The following CFAP73 variants were observed in gnomAD, a reference collection of about 807,000 sequenced individuals.
CFAP73 encodes cilia and flagella associated protein 73.
In CFAP73, 33 loss-of-function variants were observed where a neutral mutation model predicts 42.9. That is an observed-to-expected ratio of 0.77 (90% CI 0.58 to 1.03). The LOEUF is 1.03. Ranked by LOEUF, CFAP73 falls within the 50% of genes least tolerant of loss-of-function variation. The pLI is 0.00. For missense variants in CFAP73, 392 were observed against 411.9 expected, an observed-to-expected ratio of 0.95 and a Z score of 0.42; for synonymous variants, 162 against 186.8, an observed-to-expected ratio of 0.87 and a Z score of 1.08.
In CFAP73 at chr12:113,154,338, C is replaced by CCT; in HGVS notation, c.469-76_469-75insCT. 6.8e-7 allele frequency: 1 copy of CCT among 1,470,302 alleles called. No individual in the cohort carries two copies. Among genetic ancestry groups the CCT allele is most frequent in the South Asian group, 1.2e-5 (1 of 81,662 alleles). The allele number at this position is 1,470,302 out of a possible 1,614,324, so 91.1% of individuals were successfully genotyped here. A position where few individuals can be genotyped will look rare whatever the true frequency, so the allele number is the denominator to read the frequency against. The stretch of plus-strand genomic sequence containing the variant: ...GAAAGATTATTCCAATAATAAGGAA[C>CCT]GCTGGCGGCCAGGTGGGATGGAGAG... On this transcript the variant is annotated intron_variant, in intron 4 of 7. Transcript: ENST00000335621. This position sits in a 1 kb window ranked among gnomAD's most constrained non-coding sequence, Gnocchi z 4.7.
chr12:113,153,488 A>T, intron 4 of CFAP73, 80 bp downstream of exon 4: 1 of 1,167,084 alleles, frequency 8.6e-7, no homozygotes, highest in Non-Finnish European at 1.1e-6. Flanking sequence ...GGACCGGCGA[A>T]CTACTGGTTC....
intron 6 of CFAP73, among the ~76,000 whole-genome samples, chr12:113,155,929 CTTTT>C (rs200795985): frequency 2.9e-5 from 4 of 136,436 alleles, no homozygotes; most frequent in East Asian, 2.1e-4. Flanking sequence ...GTGCCATAGG[CTTTT>C]TTTTTTTTTT....
chr12:113,154,538 T>C lies in CFAP73; in HGVS notation c.593T>C (p.Leu198Pro). The C allele has an allele frequency of 6.7e-7, 1 of 1,490,256 alleles. No homozygotes were observed. The highest frequency in any genetic ancestry group is 8.9e-7 in the Non-Finnish European group (1 of 1,128,024). 92.3% of individuals were successfully genotyped at this position (1,490,256 alleles called of 1,614,324 possible). Residue 198 changes from leucine to proline, a missense_variant, in exon 5 of 8, where the codon CTG (leucine) becomes CCG (proline). Transcript: ENST00000335621. The surrounding 1 kb of genome is among the most constrained non-coding windows in gnomAD (Gnocchi z 4.7). The stretch of plus-strand genomic sequence containing the variant: ...GCGGCGCGAGCGCGGCTGCAGCAGC[T>C]GCGGGACGCCTGGCCGGACGAGGTG... ...LEAARARLQQ[L>P]RDAWPDEVLA...
In CFAP73 at chr12:113,155,260, G is replaced by A. The variant is rs1479543520; in HGVS notation, c.691G>A (p.Glu231Lys). 6.5e-7 allele frequency: 1 copy of A among 1,527,790 alleles called. No individual in the cohort carries two copies. Among genetic ancestry groups the A allele is most frequent in the Non-Finnish European group, 8.9e-7 (1 of 1,128,340 alleles). 94.6% of individuals were successfully genotyped at this position (1,527,790 alleles called of 1,614,324 possible). A position where few individuals can be genotyped will look rare whatever the true frequency, so the allele number is the denominator to read the frequency against. ...TGGGAGTGGGGCGGGTGTTCTCCAG[G>A]AATCCAAGTGGATTCAGATTCAGAA... ...EAARERTLQW[E>K]SKWIQIQNTA... The change falls in exon 6 of 8, where the codon GAA (glutamate) becomes AAA (lysine). Residue 231 changes from glutamate to lysine, a missense_variant and splice_region_variant. Physicochemically the swap from Glu to Lys is moderately conservative, Grantham distance 56. Coordinates refer to ENST00000335621, the MANE Select transcript of CFAP73 (RefSeq NM_001144872.3).
chr12:113,155,697 CA>C (rs1952116156), intron 6 of CFAP73, among the ~76,000 whole-genome samples: 1 of 152,156 alleles, frequency 6.6e-6, no homozygotes. Context: ...TGGCTGGTCT[CA>C]ATGCCCTCCC....
Position 113,154,686 on chromosome 12 carries a change from C to T in CFAP73, c.690+51C>T. 1.5e-6 allele frequency: 2 copies of T among 1,377,304 alleles called. No homozygotes were observed. The highest frequency in any genetic ancestry group is 1.5e-5 in the African/African-American group (1 of 65,190). The allele number at this position is 1,377,304 out of a possible 1,614,324, so 85.3% of individuals were successfully genotyped here. A position where few individuals can be genotyped will look rare whatever the true frequency, so the allele number is the denominator to read the frequency against. ...GCTCCGGACCCCAGGCTTCCACAGC[C>T]GGGCGGGGAGGAACGCCAGGGCTGA... On this transcript the variant is annotated intron_variant, in intron 5 of 7. Transcript: ENST00000335621. The surrounding 1 kb of genome is among the most constrained non-coding windows in gnomAD (Gnocchi z 4.7).
chr12:113,149,918 G>C lies in CFAP73; in HGVS notation c.56+5G>C. On this transcript the variant is annotated splice_donor_5th_base_variant and intron_variant, in intron 1 of 7. Transcript: ENST00000335621. ...TTTGCAAGAGAAACTGTCTACGTGA[G>C]TGGGACGTAGAGGGAGGGAGGGCTA... The C allele has an allele frequency of 6.4e-7, 1 of 1,551,272 alleles. No individual in the cohort carries two copies. Among genetic ancestry groups the C allele is most frequent in the East Asian group, 2.4e-5 (1 of 40,924 alleles).
intron 4 of CFAP73, among the ~76,000 whole-genome samples, chr12:113,153,971 A>G (rs1952091091): frequency 6.6e-6 from 1 of 151,748 alleles, no homozygotes; most frequent in African/African-American, 2.4e-5. Context: ...CATTTTACAG[A>G]TAGGAGAACT....
chr12:113,155,086 C>T (rs1212918054), intron 5 of CFAP73, among the ~76,000 whole-genome samples, 174 bp from the exon 6 acceptor site: 2 of 152,126 alleles, frequency 1.3e-5, no homozygotes, highest in Non-Finnish European at 2.9e-5. Context: ...AGGAGAATCG[C>T]TAGGCTCTGG....
intron 2 of CFAP73, 70 bp downstream of exon 2, chr12:113,152,093 A>T: frequency 3.5e-6 from 4 of 1,127,970 alleles, no homozygotes; most frequent in Middle Eastern, 1.9e-4. Context: ...TTTATTAGTG[A>T]CAAGGTCTGA....
rs768645747 is a variant in CFAP73 at position 113,158,965 on chromosome 12, C to T, written c.*276C>T. The stretch of plus-strand genomic sequence containing the variant: ...CAGCTCCTGGACGCGGCGGCGGTTG[C>T]GGGCAGAGAGCTGCTTGAGGCCACC... On this transcript the variant is annotated 3_prime_UTR_variant, in exon 8 of 8. Transcript: ENST00000335621. The surrounding 1 kb of genome is among the most constrained non-coding windows in gnomAD (Gnocchi z 4.9). 7 of 1,611,122 alleles carry T rather than the reference C, an allele frequency of 4.3e-6. No homozygotes were observed. The highest frequency in any genetic ancestry group is 5.9e-6 in the Non-Finnish European group (7 of 1,178,970).
At chr12:113,155,981 G>A (rs1952120197) in intron 6 of CFAP73, among the ~76,000 whole-genome samples, 1 of 150,506 alleles carries the variant, frequency 6.6e-6, no homozygotes, top group Non-Finnish European at 1.5e-5. Flanking sequence ...AGGCTGGAGT[G>A]CAGTGACACG....
chr12:113,150,785 G>A lies in CFAP73; in HGVS notation c.56+872G>A, dbSNP rs770586721. Among the ~76,000 whole-genome samples, 73 of 152,024 alleles carry A rather than the reference G, an allele frequency of 4.8e-4. 1 individual carries two copies. Among genetic ancestry groups the A allele is most frequent in the Non-Finnish European group, 6.5e-4 (44 of 68,014 alleles). On this transcript the variant is annotated intron_variant, in intron 1 of 7. Coordinates refer to ENST00000335621, the MANE Select transcript of CFAP73 (RefSeq NM_001144872.3). ...AAGTCTCCACTCACCATGGCCCACC[G>A]CAGTTGGATTCTCAGCTCCTCCCTG...
chr12:113,152,913 G>A (rs1337866761), intron 3 of CFAP73, 26 bp downstream of exon 3: 1 of 1,499,054 alleles, frequency 6.7e-7, no homozygotes, highest in Admixed American at 2.0e-5. Context: ...TGGGGGGGAG[G>A]CGGGGCCTAT....
At chr12:113,156,218 C>T (rs887197480) in intron 6 of CFAP73, among the ~76,000 whole-genome samples, 1 of 152,022 alleles carries the variant, frequency 6.6e-6, no homozygotes, top group Non-Finnish European at 1.5e-5. Flanking sequence ...CCACACCCAG[C>T]GTGACATAGG....
intron 1 of CFAP73, 115 bp downstream of exon 1, chr12:113,150,028 T>A: frequency 7.4e-6 from 7 of 947,614 alleles, no homozygotes; most frequent in African/African-American, 1.6e-5. Flanking sequence ...TAGTGGGGGT[T>A]ATTGTCCCCA....
intron 6 of CFAP73, among the ~76,000 whole-genome samples, chr12:113,156,157 T>C (rs1248215991): frequency 6.6e-6 from 1 of 151,962 alleles, no homozygotes; most frequent in African/African-American, 2.4e-5. Flanking sequence ...CAACCTCAAG[T>C]TATCCTCCCG....
At position 113,155,403 on chromosome 12, in the gene CFAP73, G is replaced by GGTCC. The variant is rs1193869604; in HGVS notation, c.835_836insTCCG (p.Gly279ValfsTer25). 13 of 1,550,308 alleles carry GGTCC rather than the reference G, an allele frequency of 8.4e-6. No homozygotes were observed. The East Asian group carries it at 2.7e-4, about 32-fold the overall frequency. On this transcript the variant is annotated frameshift_variant, in exon 6 of 8. Coordinates refer to ENST00000335621, the MANE Select transcript of CFAP73 (RefSeq NM_001144872.3). LOFTEE classifies it high-confidence loss of function. ...CCACCCTGGACATCGAGGACACGGAGGGACAGCTAGAGCACGTGAGGACCC... is the reference window on the plus strand; with the variant it reads ...CCACCCTGGACATCGAGGACACGGAGGTCCGGACAGCTAGAGCACGTGAGGACCC...
Position 113,155,322 on chromosome 12 carries a change from C to T in CFAP73, c.753C>T (p.Ser251=). 7.1e-6 allele frequency: 11 copies of T among 1,551,168 alleles called. No individual in the cohort carries two copies. The highest frequency in any genetic ancestry group is 9.6e-6 in the Non-Finnish European group (11 of 1,146,560). The change falls in exon 6 of 8, where the codon AGC becomes AGT. Residue 251 remains serine, a synonymous_variant. Transcript: ENST00000335621. ...AGAAGACTCTGCTCCTGGGACGCAG[C>T]AGGATGGCTGTGCTCAACCTGTTCC... is the stretch of plus-strand genomic sequence containing the variant. The part of the protein sequence containing the change: ...AAEKTLLLGR[S]RMAVLNLFQL...
Sources: allele counts gnomAD v4.1 joint callset (sites outside exome capture counted in the v4.1 genomes callset), GRCh38; gene constraint gnomAD v4.1.1; non-coding constraint Gnocchi (gnomAD v3.1); transcripts MANE v1.5; gene names NCBI Gene and HGNC (gene_info 2026-07-23, HGNC 2026-07-21).